Variants in RC3H1 observed in about 807,000 individuals in gnomAD.
RC3H1 encodes ring finger and CCCH-type domains 1.
In RC3H1, 50 loss-of-function variants were observed where a neutral mutation model predicts 138.2. The observed-to-expected ratio is 0.36, with a 90% CI of 0.29 to 0.46. RC3H1 has a LOEUF of 0.46. RC3H1 is among the 20% of genes least tolerant of loss of function. RC3H1 has a pLI of 1.00. For synonymous variants in RC3H1, 462 were observed against 489.1 expected, an observed-to-expected ratio of 0.94 and a Z score of 0.73; for missense variants, 1,031 against 1,388.1, an observed-to-expected ratio of 0.74 and a Z score of 4.09.
chr1:174,019,092 T>C (rs979646137), intron 1 of RC3H1, among the ~76,000 whole-genome samples: 2 of 152,232 alleles, frequency 1.3e-5, no homozygotes, highest in Non-Finnish European at 2.9e-5. Flanking sequence ...AATTTAGTAA[T>C]TGCCTATGTA....
At position 174,018,638 on chromosome 1, in the gene RC3H1, C is replaced by A. The variant is rs112430365; in HGVS notation, c.-151+3458G>T. Among the ~76,000 whole-genome samples, 23 of 152,284 alleles carry A rather than the reference C, an allele frequency of 1.5e-4. No individual in the cohort carries two copies. The South Asian group carries it at 4.6e-3, about 30-fold the overall frequency. On this transcript the variant is annotated intron_variant, in intron 1 of 19. Coordinates refer to ENST00000367696, the MANE Select transcript of RC3H1 (RefSeq NM_172071.4). ...TACACAAAAGAAAAAATCTTGGAGA[C>A]GGTTCTGGGAAAAGGCTGACCAAAA...
In RC3H1 at chr1:173,982,814, C is replaced by G; in HGVS notation, c.681G>C (p.Val227=). The G allele has an allele frequency of 1.2e-6, 2 of 1,613,898 alleles. No homozygotes were observed. Among genetic ancestry groups the G allele is most frequent in the Non-Finnish European group, 1.7e-6 (2 of 1,179,902 alleles). The part of the protein sequence containing the change: ...LSRKVLVLFV[V]QRLEPRFPQA... Reference sequence around the variant, plus strand: ...GAGGAAACCGTGGCTCCAATCTTTGCACCACAAACAGAACCAATACTTTTC... The same window carrying G: ...GAGGAAACCGTGGCTCCAATCTTTGGACCACAAACAGAACCAATACTTTTC... Residue 227 remains valine (V), a synonymous_variant, in exon 5 of 20, where the codon GTG becomes GTC. Coordinates refer to ENST00000367696, the MANE Select transcript of RC3H1 (RefSeq NM_172071.4).
chr1:173,985,009 A>C (rs1282323303), intron 2 of RC3H1, among the ~76,000 whole-genome samples: 1 of 152,188 alleles, frequency 6.6e-6, no homozygotes, highest in Admixed American at 6.5e-5. Flanking sequence ...TGGAAAGACG[A>C]ATCTATTTTC....
At chr1:173,969,592 G>C (rs929663470) in intron 9 of RC3H1, among the ~76,000 whole-genome samples, 1 of 151,914 alleles carries the variant, frequency 6.6e-6, no homozygotes, top group African/African-American at 2.4e-5. Context: ...GAGGCGGTGG[G>C]TGTGGTGGCT....
At chr1:173,943,882 C>T (rs568610969) in intron 17 of RC3H1, among the ~76,000 whole-genome samples, 86 of 152,146 alleles carry the variant, frequency 5.7e-4, no homozygotes, top group Middle Eastern at 3.4e-3. Flanking sequence ...AAGTTGGCTA[C>T]GCATGGTGGC....
intron 1 of RC3H1, among the ~76,000 whole-genome samples, chr1:174,013,139 G>T (rs1430205706): frequency 6.6e-6 from 1 of 152,018 alleles, no homozygotes; most frequent in Non-Finnish European, 1.5e-5. Flanking sequence ...TTCTTTGGGG[G>T]AGTAAAGGAT....
At chr1:173,962,128 T>C in intron 11 of RC3H1, 33 bp from the exon 12 acceptor site, 1 of 1,543,738 alleles carries the variant, frequency 6.5e-7, no homozygotes, top group South Asian at 1.2e-5. Context: ...CAAAAGCAAA[T>C]AATGAGCCAA....
At position 173,941,502 on chromosome 1, in the gene RC3H1, A is replaced by G; in HGVS notation, c.3136-122T>C. ...TCATATTCAATTTTGTAAAATAACC[A>G]AAGAAACTGGCAGACTAAAAGAGTG... On this transcript the variant is annotated intron_variant, in intron 18 of 19. Coordinates refer to ENST00000367696, the MANE Select transcript of RC3H1 (RefSeq NM_172071.4). The G allele has an allele frequency of 6.3e-6, 4 of 634,888 alleles. No homozygotes were observed. The South Asian group carries it at 7.6e-5, about 12-fold the overall frequency. 39.3% of individuals were successfully genotyped at this position (634,888 alleles called of 1,614,324 possible). A position where few individuals can be genotyped will look rare whatever the true frequency, so the allele number is the denominator to read the frequency against.
Position 173,978,526 on chromosome 1 carries a change from G to A in RC3H1, c.1064C>T (p.Pro355Leu), listed in dbSNP as rs1660674812. Residue 355 changes from proline to leucine, a missense_variant, in exon 7 of 20, where the codon CCC becomes CTC. Coordinates refer to ENST00000367696, the MANE Select transcript of RC3H1 (RefSeq NM_172071.4). ...AATGTTTGCTAACAGCTCCAAATGG[G>A]GTCTTAGTCGGTTCAAGTTTGCTGG... Reference protein sequence around the residue: ...GDPANLNRLRPHLELLANIDP... With the variant: ...GDPANLNRLRLHLELLANIDP... 1.9e-6 allele frequency: 3 copies of A among 1,613,960 alleles called. No individual in the cohort carries two copies. The highest frequency in any genetic ancestry group is 2.5e-6 in the Non-Finnish European group (3 of 1,179,960).
At chr1:173,982,154 C>T (rs1244221232) in intron 5 of RC3H1, among the ~76,000 whole-genome samples, 2 of 152,062 alleles carry the variant, frequency 1.3e-5, no homozygotes, top group Non-Finnish European at 2.9e-5. Context: ...CTGAGGCGGG[C>T]AGATCACCTG....
At chr1:173,946,442 A>G in intron 17 of RC3H1, 34 bp downstream of exon 17, 1 of 1,588,766 alleles carries the variant, frequency 6.3e-7, no homozygotes. Flanking sequence ...GAACCCTTCA[A>G]AAATTGGAAT....
At chr1:174,001,989 T>C (rs575100251) in intron 1 of RC3H1, among the ~76,000 whole-genome samples, 1 of 152,306 alleles carries the variant, frequency 6.6e-6, no homozygotes, top group South Asian at 2.1e-4. Flanking sequence ...CAAAAAATTT[T>C]ACAAAATTGT....
At chr1:173,951,331 C>G (rs551064208) in intron 14 of RC3H1, among the ~76,000 whole-genome samples, 1 of 149,124 alleles carries the variant, frequency 6.7e-6, no homozygotes, top group African/African-American at 2.5e-5. Context: ...ATCCCCCCCC[C>G]AAAAAAAGAG....
intron 19 of RC3H1, among the ~76,000 whole-genome samples, chr1:173,939,528 CAAAAAA>C (rs61301994): frequency 3.1e-4 from 11 of 35,942 alleles, no homozygotes; most frequent in South Asian, 1.2e-3. Flanking sequence ...GAGATTTTAT[CAAAAAA>C]AAAAAAAAAA....
At chr1:173,940,828 T>TC in intron 19 of RC3H1, among the ~76,000 whole-genome samples, 1 of 82,296 alleles carries the variant, frequency 1.2e-5, no homozygotes, top group African/African-American at 2.6e-4. Context: ...AAAAATATTC[T>TC]TTTTTTTTTT....
chr1:173,950,197 G>T (rs1195618813), intron 14 of RC3H1, among the ~76,000 whole-genome samples: 3 of 151,858 alleles, frequency 2.0e-5, no homozygotes, highest in African/African-American at 4.8e-5. Flanking sequence ...TAAAAGCAAT[G>T]CTAAGTGAAA....
At chr1:173,965,262 T>C in intron 9 of RC3H1, 142 bp from the exon 10 acceptor site, 1 of 801,962 alleles carries the variant, frequency 1.2e-6, no homozygotes, top group East Asian at 2.7e-5. Context: ...ATAAAATCTC[T>C]AGCAGCAAGA....
At chr1:173,965,303 G>C (rs558254825) in intron 9 of RC3H1, among the ~76,000 whole-genome samples, 183 bp from the exon 10 acceptor site, 1 of 152,116 alleles carries the variant, frequency 6.6e-6, no homozygotes, top group East Asian at 1.9e-4. Flanking sequence ...TCATAAAAAT[G>C]TGTAACATAG....
intron 2 of RC3H1, among the ~76,000 whole-genome samples, chr1:173,989,145 A>T (rs1661158431): frequency 6.6e-6 from 1 of 152,192 alleles, no homozygotes; most frequent in Admixed American, 6.5e-5. Flanking sequence ...TGATGCTGCC[A>T]CCTCAGCCTC....
Sources: gnomAD v4.1 joint callset for allele counts (sites outside exome capture counted in the v4.1 genomes callset) on GRCh38, gnomAD v4.1.1 for gene constraint, MANE v1.5 for transcripts, NCBI Gene and HGNC (gene_info 2026-07-23, HGNC 2026-07-21) for gene names.